Variants in SLC13A3 observed in about 807,000 individuals in gnomAD.
SLC13A3 encodes the protein solute carrier family 13 member 3.
In SLC13A3, 40 loss-of-function variants were observed where a neutral mutation model predicts 59.0. The ratio of observed to expected loss-of-function variants is 0.68; its 90% CI spans 0.53 to 0.88. The LOEUF (loss-of-function observed/expected upper bound fraction) is 0.88. SLC13A3 is among the 40% of genes least tolerant of loss of function. SLC13A3 has a pLI of 0.00. For synonymous variants in SLC13A3, 317 were observed against 330.3 expected (o/e 0.96, Z 0.44); for missense variants, 699 against 783.2 (o/e 0.89, Z 1.28).
At chr20:46,575,256 A>C (rs6017926) in intron 10 of SLC13A3, among the ~76,000 whole-genome samples, 9,868 of 152,260 alleles carry the variant, frequency 0.065, 868 homozygotes, top group African/African-American at 0.2. Context: ...AGTGTCTGGC[A>C]TTGGGTGAGC....
At chr20:46,617,268 T>A (rs890384367) in intron 1 of SLC13A3, among the ~76,000 whole-genome samples, 1 of 152,214 alleles carries the variant, frequency 6.6e-6, no homozygotes, top group Non-Finnish European at 1.5e-5. Context: ...TGCCCTGGGC[T>A]GGAAGCTGGT....
chr20:46,597,581 T>G (rs1159928158), intron 4 of SLC13A3, among the ~76,000 whole-genome samples: 6 of 152,080 alleles, frequency 3.9e-5, no homozygotes, highest in African/African-American at 1.4e-4. Context: ...AGATTATAGG[T>G]GCCCACCACC....
intron 4 of SLC13A3, among the ~76,000 whole-genome samples, chr20:46,596,694 GT>G (rs1316759259): frequency 1.3e-5 from 2 of 152,178 alleles, no homozygotes; most frequent in Non-Finnish European, 2.9e-5. Context: ...GATGAGAGCT[GT>G]CCAGTCATAA....
chr20:46,651,219 C>G, intron 1 of SLC13A3, 92 bp downstream of exon 1: 1 of 1,391,504 alleles, frequency 7.2e-7, no homozygotes, highest in Non-Finnish European at 9.3e-7. Context: ...CCTGTCTACA[C>G]TGGGACCTCA....
At chr20:46,623,515 A>C (rs2062637123) in intron 1 of SLC13A3, among the ~76,000 whole-genome samples, 1 of 151,994 alleles carries the variant, frequency 6.6e-6, no homozygotes, top group African/African-American at 2.4e-5. Context: ...ACAGGCATAC[A>C]CTGACACACC....
intron 10 of SLC13A3, among the ~76,000 whole-genome samples, chr20:46,570,224 G>C (rs566850036): frequency 2.6e-5 from 4 of 152,308 alleles, no homozygotes; most frequent in Admixed American, 6.5e-5. Flanking sequence ...TCTGTACTTA[G>C]TAAGCACTGA....
At chr20:46,658,182 A>T (rs569852336) in intron 1 of SLC13A3, among the ~76,000 whole-genome samples, 123 of 151,936 alleles carry the variant, frequency 8.1e-4, no homozygotes, top group Non-Finnish European at 1.4e-3. Context: ...TGGAATACTG[A>T]TACATGCAAC....
At chr20:46,650,989 G>A (rs147542533) in intron 1 of SLC13A3, among the ~76,000 whole-genome samples, 154 of 152,242 alleles carry the variant, frequency 1.0e-3, no homozygotes, top group African/African-American at 3.6e-3. Context: ...GGAGTTGGAG[G>A]CTGCAGTGAG....
chr20:46,644,128 C>T (rs958735076), intron 1 of SLC13A3, among the ~76,000 whole-genome samples: 7 of 152,290 alleles, frequency 4.6e-5, no homozygotes, highest in East Asian at 1.9e-4. Context: ...TGCTCATCTC[C>T]GCCCTGCCCC....
chr20:46,676,807 C>T lies in SLC13A3; in HGVS notation c.-31+7589G>A, dbSNP rs182740647. ...GGCTGCGTGGAAACAGTGGGGACGA[C>T]GGCAGAAGTGGGGAGAACCATGAGA... On this transcript the variant is annotated intron_variant, in intron 1 of 6. Transcript: ENST00000372121. Among the ~76,000 whole-genome samples, 67 of 152,242 alleles carry T rather than the reference C, an allele frequency of 4.4e-4. No individual in the cohort carries two copies. The East Asian group carries it at 0.012, about 28-fold the overall frequency.
At chr20:46,571,247 G>A (rs1699848233) in intron 10 of SLC13A3, among the ~76,000 whole-genome samples, 1 of 152,132 alleles carries the variant, frequency 6.6e-6, no homozygotes, top group Non-Finnish European at 1.5e-5. Flanking sequence ...AGATTTGGGT[G>A]GGGACACAGC....
intron 10 of SLC13A3, among the ~76,000 whole-genome samples, chr20:46,573,421 C>T (rs565879607): frequency 6.6e-6 from 1 of 152,342 alleles, no homozygotes; most frequent in South Asian, 2.1e-4. Context: ...TCCTGTGGGG[C>T]TGGGACTGCC....
At chr20:46,601,886 A>G (rs2062384271) in intron 3 of SLC13A3, among the ~76,000 whole-genome samples, 1 of 152,110 alleles carries the variant, frequency 6.6e-6, no homozygotes, top group Non-Finnish European at 1.5e-5. Flanking sequence ...AGGTAAGAGA[A>G]GTGGCAGGGG....
chr20:46,602,686 T>C (rs955420524), intron 3 of SLC13A3, among the ~76,000 whole-genome samples: 2 of 152,178 alleles, frequency 1.3e-5, no homozygotes, highest in Non-Finnish European at 2.9e-5. Flanking sequence ...CTGGCGTCTA[T>C]TAGTTAGAGA....
chr20:46,621,194 T>G (rs1488194861), intron 1 of SLC13A3, among the ~76,000 whole-genome samples: 1 of 152,222 alleles, frequency 6.6e-6, no homozygotes, highest in Non-Finnish European at 1.5e-5. Context: ...TAGGGAAAGC[T>G]TCCCCAGAGA....
At chr20:46,616,519 T>A (rs2062556284) in intron 1 of SLC13A3, among the ~76,000 whole-genome samples, 1 of 152,118 alleles carries the variant, frequency 6.6e-6, no homozygotes, top group Admixed American at 6.5e-5. Flanking sequence ...AGCAGGTGGA[T>A]GTCAGAGCCG....
intron 1 of SLC13A3, among the ~76,000 whole-genome samples, chr20:46,677,660 C>T (rs2063134078): frequency 6.6e-6 from 1 of 152,184 alleles, no homozygotes; most frequent in Admixed American, 6.5e-5. Context: ...GGGGAAGATA[C>T]ATGCCATCTT....
At chr20:46,626,944 C>T (rs573534480) in intron 1 of SLC13A3, among the ~76,000 whole-genome samples, 1 of 138,966 alleles carries the variant, frequency 7.2e-6, no homozygotes, top group African/African-American at 2.7e-5. Flanking sequence ...TCAGCCCTCA[C>T]TTCAAAGGTC....
At chr20:46,608,253 A>T (rs951989616) in intron 3 of SLC13A3, among the ~76,000 whole-genome samples, 2 of 152,188 alleles carry the variant, frequency 1.3e-5, no homozygotes, top group Non-Finnish European at 2.9e-5. Flanking sequence ...ATGGAAGAAT[A>T]TTTCCTGATA....
Sources: gnomAD v4.1 joint callset for allele counts (sites outside exome capture counted in the v4.1 genomes callset) on GRCh38, gnomAD v4.1.1 for gene constraint, MANE v1.5 for transcripts, NCBI Gene and HGNC (gene_info 2026-07-23, HGNC 2026-07-21) for gene names.